The following VPS13A variants were observed in gnomAD, a reference collection of about 807,000 sequenced individuals.
The protein encoded by VPS13A is vacuolar protein sorting 13 homolog A, also known as intermembrane lipid transfer protein VPS13A.
VPS13A carries 264 observed loss-of-function variants against 390.9 expected under a neutral mutation model. That is an observed-to-expected ratio of 0.68 (90% CI 0.61 to 0.75). The LOEUF (loss-of-function observed/expected upper bound fraction) is 0.75, where lower values mean the gene tolerates loss of function less well. Among genes scored for constraint, VPS13A ranks in the 30% least tolerant of loss-of-function variants. The pLI is 0.00. For synonymous variants in VPS13A, 1,231 were observed against 1,227.1 expected (o/e 1.00, Z -0.07); for missense variants, 3,409 against 3,733.9 (o/e 0.91, Z 2.27).
At chr9:77,383,146 ATT>A in intron 68 of VPS13A, 1 of 655,946 alleles carries the variant, frequency 1.5e-6, no homozygotes, top group Non-Finnish European at 1.9e-6. Flanking sequence ...AAACTTCAGT[ATT>A]TTACCTATTG....
At chr9:77,180,084 C>CG (rs1318928439) in intron 1 of VPS13A, among the ~76,000 whole-genome samples, 3 of 152,154 alleles carry the variant, frequency 2.0e-5, no homozygotes, top group Non-Finnish European at 4.4e-5. Context: ...TATTCATAGA[C>CG]CACAATTTAT....
intron 24 of VPS13A, among the ~76,000 whole-genome samples, chr9:77,275,012 A>G (rs1160109984): frequency 6.6e-6 from 1 of 152,124 alleles, no homozygotes; most frequent in Non-Finnish European, 1.5e-5. Flanking sequence ...ATATTTGTGT[A>G]TATATATGTA....
rs140132471 is a variant in VPS13A, at chr9:77,232,665, A to G, written c.1595+4401A>G. On this transcript the variant is annotated intron_variant, in intron 17 of 71. Coordinates refer to ENST00000360280, the MANE Select transcript of VPS13A (RefSeq NM_033305.3). Reference sequence around the variant, plus strand: ...CAGAAAGCAAATGAGGAGCAAAGTCATATCTTATATGGAGGCAGGCAAGAG... The same window carrying G: ...CAGAAAGCAAATGAGGAGCAAAGTCGTATCTTATATGGAGGCAGGCAAGAG... 8.5e-3 allele frequency among the ~76,000 whole-genome samples: 1,288 copies of G among 152,276 alleles called. 10 individuals carry two copies. Among genetic ancestry groups the G allele is most frequent in the South Asian group, 0.014 (67 of 4,824 alleles).
chr9:77,196,377 A>G (rs148528101), intron 1 of VPS13A, among the ~76,000 whole-genome samples: 7 of 152,316 alleles, frequency 4.6e-5, no homozygotes, highest in Non-Finnish European at 1.0e-4. Flanking sequence ...CATGCAATAC[A>G]GTATTGTTAA....
At chr9:77,197,860 G>A (rs759088111) in intron 1 of VPS13A, among the ~76,000 whole-genome samples, 7 of 152,216 alleles carry the variant, frequency 4.6e-5, no homozygotes, top group African/African-American at 9.6e-5. Flanking sequence ...TGGACAATCT[G>A]TGGTTGTTTG....
At position 77,206,649 on chromosome 9, in the gene VPS13A, C is replaced by T. The variant is rs915677251; in HGVS notation, c.385+570C>T. 2.0e-4 allele frequency among the ~76,000 whole-genome samples: 30 copies of T among 152,228 alleles called. 1 individual carries two copies. The South Asian group carries it at 4.8e-3, about 24-fold the overall frequency. On this transcript the variant is annotated intron_variant, in intron 5 of 71. Coordinates refer to ENST00000360280, the MANE Select transcript of VPS13A (RefSeq NM_033305.3). ...ATTCCTTTTCACCTGTTCTCTGATC[C>T]TTACTGCCAGCTACTTTTTAAACTC...
At chr9:77,364,873 A>G (rs990939466) in intron 59 of VPS13A, among the ~76,000 whole-genome samples, 31 of 152,272 alleles carry the variant, frequency 2.0e-4, no homozygotes, top group African/African-American at 7.0e-4. Context: ...TGATTTCTAA[A>G]TATACTTTTT....
Position 77,356,734 on chromosome 9 carries a change from C to T in VPS13A, c.7673C>T (p.Thr2558Ile), listed in dbSNP as rs781031073. 6.8e-6 allele frequency: 11 copies of T among 1,612,540 alleles called. No individual in the cohort carries two copies. The Admixed American group carries it at 1.2e-4, about 17-fold the overall frequency. ...ATAAGTTCTGATGTGGTTTGGGAAA[C>T]AAAGCCCAAGAAGAAGGCAAGATGG... ...GITSSDVVWE[T>I]KPKKKARWKP... The change falls in exon 55 of 72, where the codon ACA (threonine) becomes ATA (isoleucine). Residue 2558 changes from threonine to isoleucine, a missense_variant. By Grantham distance (89) the Thr-to-Ile change is moderately conservative. Around this residue, in one of 5 missense-constraint regions of VPS13A, gnomAD observed 221 missense variants for 300.7 expected, o/e 0.73. Coordinates refer to ENST00000360280, the MANE Select transcript of VPS13A (RefSeq NM_033305.3).
intron 41 of VPS13A, 23 bp downstream of exon 41, chr9:77,318,614 A>G (rs377204381): frequency 8.5e-6 from 13 of 1,522,776 alleles, no homozygotes; most frequent in Admixed American, 6.7e-5. Flanking sequence ...TTCCAGTTTT[A>G]TAACAGATAA....
At chr9:77,351,673 A>G (rs1252042975) in intron 53 of VPS13A, among the ~76,000 whole-genome samples, 2 of 152,192 alleles carry the variant, frequency 1.3e-5, no homozygotes, top group Admixed American at 1.3e-4. Context: ...GTTTGTGACC[A>G]GCCTGGCCAA....
intron 67 of VPS13A, among the ~76,000 whole-genome samples, chr9:77,376,164 A>G (rs1255544894): frequency 6.6e-6 from 1 of 152,206 alleles, no homozygotes; most frequent in Non-Finnish European, 1.5e-5. Context: ...CCCTGATGCA[A>G]GAATGTGCTT....
chr9:77,294,879 A>AT (rs886280606), intron 32 of VPS13A, among the ~76,000 whole-genome samples: 9 of 149,994 alleles, frequency 6.0e-5, no homozygotes, highest in East Asian at 2.0e-4. Flanking sequence ...TTTATTTTTA[A>AT]TTTTTTTTTT....
chr9:77,333,818 A>G (rs574971631), intron 46 of VPS13A, among the ~76,000 whole-genome samples: 1 of 152,172 alleles, frequency 6.6e-6, no homozygotes, highest in Non-Finnish European at 1.5e-5. Context: ...TTATTAAAAT[A>G]TTTAAGTAGA....
intron 67 of VPS13A, among the ~76,000 whole-genome samples, chr9:77,378,926 A>AT (rs543494092): frequency 1.3e-4 from 19 of 150,560 alleles, no homozygotes; most frequent in Non-Finnish European, 2.4e-4. Context: ...TTCTTTTGTG[A>AT]TTTTTTTCTT....
rs1825630686 is a variant in VPS13A at position 77,206,198 on chromosome 9, A to C, written c.385+119A>C. Reference sequence around the variant, plus strand: ...GAGATTATTTCAGAAATATGATAGAATCTCATTGCATGGGGAATTTTAATG... The same window carrying C: ...GAGATTATTTCAGAAATATGATAGACTCTCATTGCATGGGGAATTTTAATG... On this transcript the variant is annotated intron_variant, in intron 5 of 71. Coordinates refer to ENST00000360280, the MANE Select transcript of VPS13A (RefSeq NM_033305.3). The C allele has an allele frequency of 7.9e-6, 6 of 755,360 alleles. 1 individual carries two copies. The South Asian group carries it at 1.0e-4, about 13-fold the overall frequency. 46.8% of individuals were successfully genotyped at this position (755,360 alleles called of 1,614,324 possible).
intron 52 of VPS13A, among the ~76,000 whole-genome samples, chr9:77,346,234 T>C (rs1343298596): frequency 6.6e-6 from 1 of 152,158 alleles, no homozygotes; most frequent in Non-Finnish European, 1.5e-5. Context: ...TGGTATCTCA[T>C]TGTGGTTTTA....
rs1829537301 is a variant in VPS13A, at chr9:77,318,507, T to A, written c.5229T>A (p.Pro1743=). The A allele has an allele frequency of 6.2e-7, 1 of 1,613,886 alleles. No individual in the cohort carries two copies. Among genetic ancestry groups the A allele is most frequent in the Non-Finnish European group, 8.5e-7 (1 of 1,179,926 alleles). Residue 1743 remains proline (P), a synonymous_variant, in exon 41 of 72, where the codon CCT becomes CCA. Coordinates refer to ENST00000360280, the MANE Select transcript of VPS13A (RefSeq NM_033305.3). ...CTGGAATTGGTCATAGAACAGTACC[T>A]ATGCTTCTGGCAAAGTCACGTTTTT... The part of the protein sequence containing the change: ...LEAGIGHRTV[P]MLLAKSRFSG...
chr9:77,277,400 T>G (rs1826746349), intron 26 of VPS13A, among the ~76,000 whole-genome samples: 2 of 152,166 alleles, frequency 1.3e-5, no homozygotes, highest in Non-Finnish European at 2.9e-5. Context: ...AGTGGTACAT[T>G]TGTTACAACT....
rs770843637 is a variant in VPS13A, at chr9:77,351,382, C to T, written c.7355C>T (p.Pro2452Leu). ...GKAVFYTWAD[P>L]VGSRRLKWRC... is the part of the protein sequence containing the mutation. ...GCCGTGTTTTATACATGGGCTGATC[C>T]GGTGGGCTCTAGAAGGCTGAAGTGG... is the stretch of plus-strand genomic sequence containing the variant. Residue 2452 changes from proline to leucine, a missense_variant, in exon 53 of 72, where the codon CCG becomes CTG. Coordinates refer to ENST00000360280, the MANE Select transcript of VPS13A (RefSeq NM_033305.3). 57 of 1,613,738 alleles carry T rather than the reference C, an allele frequency of 3.5e-5. No individual in the cohort carries two copies. Among genetic ancestry groups the T allele is most frequent in the Middle Eastern group, 1.6e-4 (1 of 6,084 alleles).
Sources: gnomAD v4.1 joint callset for allele counts (sites outside exome capture counted in the v4.1 genomes callset) on GRCh38, gnomAD v4.1.1 for gene constraint, gnomAD v4.1.1 regional missense constraint, MANE v1.5 for transcripts, NCBI Gene and HGNC (gene_info 2026-07-23, HGNC 2026-07-21) for gene names.